The following SMARCA2 variants were observed in gnomAD, a reference collection of about 807,000 sequenced individuals.
SMARCA2 encodes SWI/SNF-related matrix-associated actin-dependent regulator of chromatin subfamily A member 2.
A neutral mutation model predicts 199.8 loss-of-function variants in SMARCA2; 61 were observed. The observed-to-expected ratio is 0.31, with a 90% confidence interval of 0.25 to 0.38. SMARCA2 has a LOEUF of 0.38. Ranked by LOEUF, SMARCA2 falls within the 10% of genes least tolerant of loss-of-function variation. The pLI is 1.00. For missense variants in SMARCA2, 1,344 were observed against 2,012.2 expected (o/e 0.67, Z 6.35); for synonymous variants, 935 against 732.0 (o/e 1.28, Z -4.48).
chr9:2,182,478 CTTTTTTTTTTTTTTTTTTTT>C (rs145095906), intron 31 of SMARCA2, among the ~76,000 whole-genome samples: 3 of 96,712 alleles, frequency 3.1e-5, no homozygotes, highest in Admixed American at 1.3e-4. Context: ...AGCTTATAGT[CTTTTTTTTTTTTTTTTTTTT>C]TTTTTTTCCT....
intron 29 of SMARCA2, among the ~76,000 whole-genome samples, chr9:2,173,579 A>G (rs533203517): frequency 6.6e-6 from 1 of 152,316 alleles, no homozygotes; most frequent in South Asian, 2.1e-4. Context: ...TGGACCCAGA[A>G]TCAAGCTGAC....
intron 4 of SMARCA2, chr9:2,042,125 G>C (rs1157407439): frequency 1.3e-5 from 2 of 152,218 alleles, no homozygotes; most frequent in African/African-American, 4.8e-5. Flanking sequence ...GACAGTATCT[G>C]CACACCTTAC....
chr9:2,170,439 C>T lies in SMARCA2; in HGVS notation c.4220C>T (p.Pro1407Leu), dbSNP rs1170698540. 1 of 1,613,912 alleles carries T rather than the reference C, an allele frequency of 6.2e-7. No individual in the cohort carries two copies. The highest frequency in any genetic ancestry group is 8.5e-7 in the Non-Finnish European group (1 of 1,179,980). The stretch of plus-strand genomic sequence containing the variant: ...CGCAGGTGTAACGTGGAGAAGGTGC[C>T]CAGTAATTCTCAGTTGGAAATAGAA... ...YKDRCNVEKV[P>L]SNSQLEIEGN... Residue 1407 changes from proline (P) to leucine (L), a missense_variant, in exon 29 of 34, where the codon CCC becomes CTC. By Grantham distance (98) the Pro-to-Leu change is moderately conservative. Coordinates refer to ENST00000349721, the MANE Select transcript of SMARCA2 (RefSeq NM_003070.5). This position sits in a 1 kb window ranked among gnomAD's most constrained non-coding sequence, Gnocchi z 4.7.
chr9:2,120,586 G>C (rs957216557), intron 26 of SMARCA2, among the ~76,000 whole-genome samples: 4 of 152,138 alleles, frequency 2.6e-5, no homozygotes, highest in Non-Finnish European at 1.5e-5. Flanking sequence ...CACCTTTTTA[G>C]CCTAGACAGA....
At chr9:2,164,529 G>A (rs1291928715) in intron 28 of SMARCA2, among the ~76,000 whole-genome samples, 1 of 152,094 alleles carries the variant, frequency 6.6e-6, no homozygotes, top group Non-Finnish European at 1.5e-5. Context: ...TGTAACTCAG[G>A]TTCTTTGAAC....
intron 27 of SMARCA2, chr9:2,159,714 G>C: frequency 6.8e-7 from 1 of 1,462,320 alleles, no homozygotes; most frequent in Middle Eastern, 2.3e-4. Context: ...CAGCAGATTT[G>C]AGTATCCACA....
intron 26 of SMARCA2, among the ~76,000 whole-genome samples, chr9:2,121,024 G>T (rs775623811): frequency 2.6e-5 from 4 of 152,164 alleles, no homozygotes; most frequent in Non-Finnish European, 5.9e-5. Flanking sequence ...CCAAGCAAGA[G>T]ACCCTCAGCT....
At chr9:2,165,196 C>G (rs1283368576) in intron 28 of SMARCA2, among the ~76,000 whole-genome samples, 1 of 152,194 alleles carries the variant, frequency 6.6e-6, no homozygotes, top group South Asian at 2.1e-4. Context: ...TGTTAGGGCT[C>G]TGACAGTCAT....
chr9:2,073,617 G>T lies in SMARCA2; in HGVS notation c.1929G>T (p.Glu643Asp). Residue 643 changes from glutamate to aspartate, a missense_variant, in exon 12 of 34, where the codon GAG becomes GAT. Physicochemically the swap from Glu to Asp is conservative, Grantham distance 45 (BLOSUM62 2). Transcript: ENST00000349721. The stretch of plus-strand genomic sequence containing the variant: ...GTGAAGAGAGTGATTCTGATTATGA[G>T]GAAGAGGTATGTATGTATCTCTGTT... ...SDSEESDSDY[E>D]EEDEEEESSR... The T allele has an allele frequency of 6.2e-7, 1 of 1,607,942 alleles. No individual in the cohort carries two copies. Among genetic ancestry groups the T allele is most frequent in the Non-Finnish European group, 8.5e-7 (1 of 1,174,532 alleles).
chr9:2,051,437 C>G (rs184843510), intron 5 of SMARCA2, among the ~76,000 whole-genome samples: 1 of 152,142 alleles, frequency 6.6e-6, no homozygotes, highest in African/African-American at 2.4e-5. Flanking sequence ...ACACAGTGCC[C>G]CATCTCCCCG....
intron 32 of SMARCA2, among the ~76,000 whole-genome samples, chr9:2,187,628 G>GATCATAC (rs1827563275): frequency 6.6e-6 from 1 of 151,988 alleles, no homozygotes; most frequent in South Asian, 2.1e-4. Flanking sequence ...AGTGAGCTAT[G>GATCATAC]ATCATACCGC....
In SMARCA2 at chr9:2,192,709, G is replaced by A. The variant is rs190172342; in HGVS notation, c.4743G>A (p.Gln1581=). The A allele has an allele frequency of 6.8e-6, 11 of 1,606,516 alleles. No individual in the cohort carries two copies. The African/African-American group carries it at 1.3e-4, about 20-fold the overall frequency. Residue 1581 remains glutamine, a synonymous_variant, in exon 34 of 34, where the codon CAG becomes CAA. Transcript: ENST00000349721. ...CTTCTTATTTTTACTTTTAGGAACA[G>A]TCAGAAGGAAGTGGGACGGATGATG... ...DSDEEQDERE[Q]SEGSGTDDE is the part of the protein sequence containing the mutation.
chr9:2,161,932 A>G lies in SMARCA2; in HGVS notation c.4199+29A>G, dbSNP rs2129641736. On this transcript the variant is annotated intron_variant, in intron 28 of 33. Transcript: ENST00000349721. The surrounding 1 kb of genome is among the most constrained non-coding windows in gnomAD (Gnocchi z 4.7). ...AGTGTTTGGTTCCTTCACCTTGATCATCTCTCACCAAGACGCCGAGTGGCG... is the reference window on the plus strand; with the variant it reads ...AGTGTTTGGTTCCTTCACCTTGATCGTCTCTCACCAAGACGCCGAGTGGCG... 5.7e-6 allele frequency: 9 copies of G among 1,582,506 alleles called. No homozygotes were observed. The highest frequency in any genetic ancestry group is 6.9e-6 in the Non-Finnish European group (8 of 1,153,222).
chr9:2,081,720 A>G (rs2130463681), intron 14 of SMARCA2, 112 bp from the exon 15 acceptor site: 1 of 862,250 alleles, frequency 1.2e-6, no homozygotes, highest in South Asian at 1.7e-5. Context: ...TACTGTGGGA[A>G]ACCCAACATA....
chr9:2,074,308 G>A (rs528636911), intron 12 of SMARCA2, among the ~76,000 whole-genome samples: 76 of 152,220 alleles, frequency 5.0e-4, no homozygotes, highest in Admixed American at 1.2e-3. Context: ...CAAATAGAAG[G>A]ATTAAAAGAA....
At position 2,169,085 on chromosome 9, in the gene SMARCA2, CTT is replaced by C. The variant is rs1474441032; in HGVS notation, c.4200-1332_4200-1331del. On this transcript the variant is annotated intron_variant, in intron 28 of 33. Coordinates refer to ENST00000349721, the MANE Select transcript of SMARCA2 (RefSeq NM_003070.5). The surrounding 1 kb of genome is among the most constrained non-coding windows in gnomAD (Gnocchi z 6.5). Reference sequence around the variant, plus strand: ...GGTCCTAAAAGTGAAATAATGAAGACTTTCCCAATTCTGTGCCTTATTGCTGA... The same window carrying C: ...GGTCCTAAAAGTGAAATAATGAAGACTCCCAATTCTGTGCCTTATTGCTGA... Among the ~76,000 whole-genome samples the C allele has an allele frequency of 6.6e-6, 1 of 152,184 alleles. No individual in the cohort carries two copies. The highest frequency in any genetic ancestry group is 1.5e-5 in the Non-Finnish European group (1 of 68,036).
At chr9:2,103,601 A>C (rs1286958266) in intron 22 of SMARCA2, among the ~76,000 whole-genome samples, 1 of 151,740 alleles carries the variant, frequency 6.6e-6, no homozygotes, top group Non-Finnish European at 1.5e-5. Context: ...TATACTGAAT[A>C]AGGAGAAATT....
chr9:2,186,673 G>A (rs1355191168), intron 32 of SMARCA2, among the ~76,000 whole-genome samples: 1 of 152,022 alleles, frequency 6.6e-6, no homozygotes, highest in Admixed American at 6.5e-5. Context: ...TTACAGGCGT[G>A]TGCCACCACG....
At chr9:2,187,351 A>G (rs1213238201) in intron 32 of SMARCA2, among the ~76,000 whole-genome samples, 1 of 152,048 alleles carries the variant, frequency 6.6e-6, no homozygotes, top group Non-Finnish European at 1.5e-5. Context: ...AAATATTCCA[A>G]AGGTTAAGGG....
Sources: gnomAD v4.1 joint callset for allele counts (sites outside exome capture counted in the v4.1 genomes callset) on GRCh38, gnomAD v4.1.1 for gene constraint, Gnocchi (gnomAD v3.1) non-coding constraint, MANE v1.5 for transcripts, NCBI Gene and HGNC (gene_info 2026-07-23, HGNC 2026-07-21) for gene names.